FBXL15: variants seen among roughly 807,000 people sequenced by gnomAD.
FBXL15 encodes the protein F-box and leucine rich repeat protein 15.
Under a neutral mutation model 23.6 loss-of-function variants are expected in FBXL15, and 19 were observed. The ratio of observed to expected loss-of-function variants is 0.81; its 90% CI spans 0.56 to 1.18. The LOEUF (loss-of-function observed/expected upper bound fraction) is 1.18, where lower values mean the gene tolerates loss of function less well. Ranked by LOEUF, FBXL15 falls within the 50% of genes most tolerant of loss-of-function variation. The pLI is 0.00. For synonymous variants in FBXL15, 224 were observed against 207.7 expected (o/e 1.08, Z -0.67); for missense variants, 385 against 425.4 (o/e 0.91, Z 0.83).
In FBXL15 at chr10:102,422,828, G is replaced by C. The variant is rs2097127629; in HGVS notation, c.738G>C (p.Val246=). 1 of 1,607,448 alleles carries C rather than the reference G, an allele frequency of 6.2e-7. No individual in the cohort carries two copies. Among genetic ancestry groups the C allele is most frequent in the African/African-American group, 1.3e-5 (1 of 74,888 alleles). Residue 246 remains valine, a synonymous_variant, in exon 4 of 4, where the codon GTG becomes GTC. Coordinates refer to ENST00000369956, the MANE Select transcript of FBXL15 (RefSeq NM_024326.4). ...GVRTLAEYCP[V]LRSLRVRHCH... is the part of the protein sequence containing the mutation. ...GGACATTGGCCGAGTACTGCCCCGT[G>C]CTGCGTTCGCTGCGGGTGCGGCACT...
Position 102,421,872 on chromosome 10 carries a change from A to G in FBXL15, c.293A>G (p.His98Arg). The G allele has an allele frequency of 6.2e-7, 1 of 1,604,512 alleles. No homozygotes were observed. Among genetic ancestry groups the G allele is most frequent in the Non-Finnish European group, 8.5e-7 (1 of 1,178,784 alleles). The change falls in exon 3 of 4, where the codon CAC (histidine) becomes CGC (arginine). Residue 98 changes from histidine (H) to arginine (R), a missense_variant. His to Arg is a conservative substitution (Grantham distance 29). Transcript: ENST00000369956. ...GLQELALAPC[H>R]EWLSDEDLVP... ...CAGGAGCTGGCACTGGCGCCGTGTC[A>G]CGAATGGCTGTCAGACGAGGACCTG... is the stretch of plus-strand genomic sequence containing the variant.
Position 102,421,086 on chromosome 10 carries a change from G to GCC in FBXL15, c.-43_-42dup. The GCC allele has an allele frequency of 6.3e-7, 1 of 1,581,412 alleles. No individual in the cohort carries two copies. The highest frequency in any genetic ancestry group is 8.6e-7 in the Non-Finnish European group (1 of 1,162,852). On this transcript the variant is annotated 5_prime_UTR_variant, in exon 1 of 4. Transcript: ENST00000369956. ...GCGGGTTTGGTGCGGCCACTCCAAG[G>GCC]CCAAAGCGAGAAAATCTTACTGCGC...
rs771982093 is a variant in FBXL15 at position 102,421,481 on chromosome 10, G to A, written c.181G>A (p.Gly61Arg). ...FRSLVQLHLAGLRRFDAAQVG... is the reference protein window; with the variant it reads ...FRSLVQLHLARLRRFDAAQVG... ...GTCGCTGGTGCAGCTTCACCTGGCC[G>A]GGCTGCGTCGCTTCGATGCCGCGCA... Residue 61 changes from glycine (G) to arginine (R), a missense_variant, in exon 2 of 4, where the codon GGG becomes AGG. By Grantham distance (125) the Gly-to-Arg change is moderately radical. Transcript: ENST00000369956. 68 of 1,492,440 alleles carry A rather than the reference G, an allele frequency of 4.6e-5. No homozygotes were observed. Among genetic ancestry groups the A allele is most frequent in the Non-Finnish European group, 5.6e-5 (63 of 1,124,408 alleles). The allele number at this position is 1,492,440 out of a possible 1,614,324, so 92.4% of individuals were successfully genotyped here. A position where few individuals can be genotyped will look rare whatever the true frequency, so the allele number is the denominator to read the frequency against.
At position 102,421,067 on chromosome 10, in the gene FBXL15, T is replaced by C. The variant is rs1338398678; in HGVS notation, c.-63T>C. The C allele has an allele frequency of 1.9e-6, 3 of 1,564,226 alleles. No individual in the cohort carries two copies. Among genetic ancestry groups the C allele is most frequent in the African/African-American group, 2.7e-5 (2 of 73,742 alleles). ...GTCTCTACAGGCCAAGGAGGCGGGT[T>C]TGGTGCGGCCACTCCAAGGCCAAAG... On this transcript the variant is annotated 5_prime_UTR_variant, in exon 1 of 4. Coordinates refer to ENST00000369956, the MANE Select transcript of FBXL15 (RefSeq NM_024326.4).
intron 1 of FBXL15, 69 bp from the exon 2 acceptor site, chr10:102,421,285 C>T: frequency 1.3e-6 from 2 of 1,561,678 alleles, no homozygotes; most frequent in South Asian, 2.4e-5. Flanking sequence ...GGCGCAGGAA[C>T]ATAACGGAGG....
intron 3 of FBXL15, 87 bp from the exon 4 acceptor site, chr10:102,422,717 C>T: frequency 7.1e-7 from 1 of 1,403,820 alleles, no homozygotes; most frequent in Non-Finnish European, 9.6e-7. Flanking sequence ...GGAGCCAGTC[C>T]GAGGCTGAGT....
chr10:102,421,434 A>C lies in FBXL15; in HGVS notation c.134A>C (p.Gln45Pro). The C allele has an allele frequency of 1.9e-6, 3 of 1,552,532 alleles. No individual in the cohort carries two copies. Among genetic ancestry groups the C allele is most frequent in the Non-Finnish European group, 2.6e-6 (3 of 1,151,460 alleles). Residue 45 changes from glutamine to proline, a missense_variant, in exon 2 of 4, where the codon CAG becomes CCG. This residue lies in a region of FBXL15 where 130 missense variants were observed against 95.1 expected (regional missense o/e 1.37). Transcript: ENST00000369956. ...CCGCTGCGCCAGCTGCTCCGGCTGC[A>C]GCGCGTTAGCCGGGCCTTCCGGTCG... ...RVPLRQLLRL[Q>P]RVSRAFRSLV...
chr10:102,421,243 G>C (rs1236233675), intron 1 of FBXL15, 61 bp downstream of exon 1: 1 of 1,584,400 alleles, frequency 6.3e-7, no homozygotes, highest in Non-Finnish European at 8.6e-7. Flanking sequence ...GCCGAGCCGG[G>C]GCTGGGTCTG....
rs748352751 is a variant in FBXL15, at chr10:102,422,056, C to G, written c.477C>G (p.Arg159=). The change falls in exon 3 of 4, where the codon CGC becomes CGG. Residue 159 remains arginine, a synonymous_variant. Transcript: ENST00000369956. ...ACTGGGTGGACGGGCTGGCGCTGCG[C>G]GGCCTCGCTGATCGCTGCCCGGCCC... The part of the protein sequence containing the change: ...HCDWVDGLAL[R]GLADRCPALE... The G allele has an allele frequency of 1.1e-5, 17 of 1,590,392 alleles. No individual in the cohort carries two copies. Among genetic ancestry groups the G allele is most frequent in the Non-Finnish European group, 1.4e-5 (16 of 1,173,608 alleles).
rs1372171232 is a variant in FBXL15, at chr10:102,422,901, G to A, written c.811G>A (p.Val271Met). 1 of 1,609,036 alleles carries A rather than the reference G, an allele frequency of 6.2e-7. No homozygotes were observed. Among genetic ancestry groups the A allele is most frequent in the Non-Finnish European group, 8.5e-7 (1 of 1,178,474 alleles). ...SSLSRLRKRG[V>M]DIDVEPPLHQ... ...CCTGAGCCGCTTGCGGAAGCGCGGCGTGGACATCGACGTGGAGCCGCCGCT... is the reference window on the plus strand; with the variant it reads ...CCTGAGCCGCTTGCGGAAGCGCGGCATGGACATCGACGTGGAGCCGCCGCT... Residue 271 changes from valine (V) to methionine (M), a missense_variant, in exon 4 of 4, where the codon GTG (valine) becomes ATG (methionine). By Grantham distance (21) the Val-to-Met change is conservative (BLOSUM62 1). Transcript: ENST00000369956.
chr10:102,421,261 C>G, intron 1 of FBXL15, 79 bp downstream of exon 1: 2 of 1,571,560 alleles, frequency 1.3e-6, no homozygotes, highest in South Asian at 2.3e-5. Flanking sequence ...CTGGGGGCCG[C>G]TCTTGGGAGC....
Position 102,423,120 on chromosome 10 carries a change from A to C in FBXL15, c.*127A>C. Reference sequence around the variant, plus strand: ...CTGCCCCACCCTGGAGCTTCAAATAAAGAGCTTTTTACCCCCTCTTGCCTG... The same window carrying C: ...CTGCCCCACCCTGGAGCTTCAAATACAGAGCTTTTTACCCCCTCTTGCCTG... On this transcript the variant is annotated 3_prime_UTR_variant, in exon 4 of 4. Coordinates refer to ENST00000369956, the MANE Select transcript of FBXL15 (RefSeq NM_024326.4). The surrounding 1 kb of genome is among the most constrained non-coding windows in gnomAD (Gnocchi z 5.6). 9.3e-7 allele frequency: 1 copy of C among 1,080,324 alleles called. No homozygotes were observed. Among genetic ancestry groups the C allele is most frequent in the Non-Finnish European group, 1.3e-6 (1 of 762,838 alleles). The allele number at this position is 1,080,324 out of a possible 1,614,324, so 66.9% of individuals were successfully genotyped here.
Position 102,422,953 on chromosome 10 carries a change from A to G in FBXL15, c.863A>G (p.Asp288Gly). The change falls in exon 4 of 4, where the codon GAT (aspartate) becomes GGT (glycine). Residue 288 changes from aspartate to glycine, a missense_variant. Physicochemically the swap from Asp to Gly is moderately conservative, Grantham distance 94. Around this residue, in one of 2 missense-constraint regions of FBXL15, gnomAD observed 255 missense variants for 330.2 expected, o/e 0.77. Transcript: ENST00000369956. ...PLHQALVLLQ[D>G]MAGFAPFVNL... Reference sequence around the variant, plus strand: ...CACCAGGCCCTGGTGCTGCTGCAGGATATGGCGGGCTTCGCACCTTTTGTC... The same window carrying G: ...CACCAGGCCCTGGTGCTGCTGCAGGGTATGGCGGGCTTCGCACCTTTTGTC... The G allele has an allele frequency of 3.1e-6, 5 of 1,590,338 alleles. No individual in the cohort carries two copies. Among genetic ancestry groups the G allele is most frequent in the Non-Finnish European group, 4.3e-6 (5 of 1,168,648 alleles).
In FBXL15 at chr10:102,420,965, C is replaced by G. The variant is rs1325734379; in HGVS notation, c.-165C>G. The G allele has an allele frequency of 1.1e-5, 17 of 1,512,228 alleles. No individual in the cohort carries two copies. In the East Asian group the frequency reaches 3.7e-4, roughly 33 times the overall value. 93.7% of individuals were successfully genotyped at this position (1,512,228 alleles called of 1,614,324 possible). A position where few individuals can be genotyped will look rare whatever the true frequency, so the allele number is the denominator to read the frequency against. ...CCTAATGTTACACCACCGGTCTGTT[C>G]CGCCTCCGTTTCGGGGTCCACCCGA... On this transcript the variant is annotated 5_prime_UTR_variant, in exon 1 of 4. Transcript: ENST00000369956.
In FBXL15 at chr10:102,422,116, C is replaced by T; in HGVS notation, c.537C>T (p.Leu179=). ...EELDLTACRQ[L]KDEAIVYLAQ... ...TGGATCTCACCGCCTGCCGCCAGCT[C>T]AAGGACGAGGCCATCGTGTACCTGG... Residue 179 remains leucine, a synonymous_variant, in exon 3 of 4, where the codon CTC becomes CTT. Coordinates refer to ENST00000369956, the MANE Select transcript of FBXL15 (RefSeq NM_024326.4). The T allele has an allele frequency of 6.4e-7, 1 of 1,561,994 alleles. No homozygotes were observed. Among genetic ancestry groups the T allele is most frequent in the Non-Finnish European group, 8.7e-7 (1 of 1,154,482 alleles).
In FBXL15 at chr10:102,422,761, G is replaced by T. The variant is rs754851509; in HGVS notation, c.714-43G>T. 1.9e-5 allele frequency: 29 copies of T among 1,559,592 alleles called. No homozygotes were observed. In the South Asian group the frequency reaches 3.3e-4, roughly 18 times the overall value. On this transcript the variant is annotated intron_variant, in intron 3 of 3. Coordinates refer to ENST00000369956, the MANE Select transcript of FBXL15 (RefSeq NM_024326.4). Reference sequence around the variant, plus strand: ...GCCTCCACCTTACCCCACCAAAGGTGTGGTGGCCTCATGTCCCTAGCCTCA... The same window carrying T: ...GCCTCCACCTTACCCCACCAAAGGTTTGGTGGCCTCATGTCCCTAGCCTCA...
Position 102,421,458 on chromosome 10 carries a change from C to G in FBXL15, c.158C>G (p.Ser53Trp). The change falls in exon 2 of 4, where the codon TCG becomes TGG. Residue 53 changes from serine (S) to tryptophan (W), a missense_variant. By Grantham distance (177) the Ser-to-Trp change is radical. Around this residue, in one of 2 missense-constraint regions of FBXL15, gnomAD observed 130 missense variants for 95.1 expected, o/e 1.37. Transcript: ENST00000369956. Reference sequence around the variant, plus strand: ...CAGCGCGTTAGCCGGGCCTTCCGGTCGCTGGTGCAGCTTCACCTGGCCGGG... The same window carrying G: ...CAGCGCGTTAGCCGGGCCTTCCGGTGGCTGGTGCAGCTTCACCTGGCCGGG... The part of the protein sequence containing the change: ...RLQRVSRAFR[S>W]LVQLHLAGLR... 1.3e-6 allele frequency: 2 copies of G among 1,529,030 alleles called. No individual in the cohort carries two copies. Among genetic ancestry groups the G allele is most frequent in the Non-Finnish European group, 1.8e-6 (2 of 1,140,458 alleles). The allele number at this position is 1,529,030 out of a possible 1,614,324, so 94.7% of individuals were successfully genotyped here.
Position 102,422,924 on chromosome 10 carries a change from G to A in FBXL15, c.834G>A (p.Pro278=), listed in dbSNP as rs1298913765. 3.1e-6 allele frequency: 5 copies of A among 1,607,826 alleles called. No homozygotes were observed. The highest frequency in any genetic ancestry group is 4.2e-6 in the Non-Finnish European group (5 of 1,177,582). Residue 278 remains proline (P), a synonymous_variant, in exon 4 of 4, where the codon CCG becomes CCA. Coordinates refer to ENST00000369956, the MANE Select transcript of FBXL15 (RefSeq NM_024326.4). Reference sequence around the variant, plus strand: ...GCGTGGACATCGACGTGGAGCCGCCGCTGCACCAGGCCCTGGTGCTGCTGC... The same window carrying A: ...GCGTGGACATCGACGTGGAGCCGCCACTGCACCAGGCCCTGGTGCTGCTGC... ...KRGVDIDVEP[P]LHQALVLLQD...
At position 102,421,461 on chromosome 10, in the gene FBXL15, T is replaced by C; in HGVS notation, c.161T>C (p.Leu54Pro). ...CGCGTTAGCCGGGCCTTCCGGTCGC[T>C]GGTGCAGCTTCACCTGGCCGGGCTG... is the stretch of plus-strand genomic sequence containing the variant. Reference protein sequence around the residue: ...LQRVSRAFRSLVQLHLAGLRR... With the variant: ...LQRVSRAFRSPVQLHLAGLRR... The change falls in exon 2 of 4, where the codon CTG (leucine) becomes CCG (proline). Residue 54 changes from leucine to proline, a missense_variant. Transcript: ENST00000369956. 6.6e-7 allele frequency: 1 copy of C among 1,521,828 alleles called. No individual in the cohort carries two copies. The highest frequency in any genetic ancestry group is 8.8e-7 in the Non-Finnish European group (1 of 1,137,702). 94.3% of individuals were successfully genotyped at this position (1,521,828 alleles called of 1,614,324 possible). A position where few individuals can be genotyped will look rare whatever the true frequency, so the allele number is the denominator to read the frequency against.
Sources: gnomAD v4.1 joint callset for allele counts on GRCh38, gnomAD v4.1.1 for gene constraint, gnomAD v4.1.1 regional missense constraint, Gnocchi (gnomAD v3.1) non-coding constraint, MANE v1.5 for transcripts, NCBI Gene and HGNC (gene_info 2026-07-23, HGNC 2026-07-21) for gene names.